AKAP6: variants seen among roughly 807,000 people sequenced by gnomAD.
The protein encoded by AKAP6 is A-kinase anchoring protein 6, also known as A-kinase anchor protein 6.
Under a neutral mutation model 188.5 loss-of-function variants are expected in AKAP6, and 58 were observed. The ratio of observed to expected loss-of-function variants is 0.31; its 90% CI spans 0.25 to 0.38. The LOEUF is 0.38. Ranked by LOEUF, AKAP6 falls within the 10% of genes least tolerant of loss-of-function variation. The pLI is 1.00. For missense variants in AKAP6, 2,710 were observed against 2,740.0 expected (o/e 0.99, Z 0.24); for synonymous variants, 989 against 998.6 (o/e 0.99, Z 0.18).
At chr14:32,784,017 T>C (rs1347856282) in intron 12 of AKAP6, among the ~76,000 whole-genome samples, 2 of 152,174 alleles carry the variant, frequency 1.3e-5, no homozygotes, top group East Asian at 3.8e-4. Context: ...TTTGGAAAAT[T>C]ATGGATCAAA....
chr14:32,712,250 T>A (rs1004187094), intron 9 of AKAP6, among the ~76,000 whole-genome samples: 5 of 151,988 alleles, frequency 3.3e-5, no homozygotes, highest in African/African-American at 7.3e-5. Flanking sequence ...GTACTTAATT[T>A]AAAAAAATTT....
chr14:32,447,595 G>C (rs1233022654), intron 2 of AKAP6, among the ~76,000 whole-genome samples: 1 of 152,168 alleles, frequency 6.6e-6, no homozygotes, highest in African/African-American at 2.4e-5. Context: ...CCTTAATTAA[G>C]TTTCTTCAAA....
chr14:32,461,241 C>T (rs544820268), intron 2 of AKAP6, among the ~76,000 whole-genome samples: 1 of 152,340 alleles, frequency 6.6e-6, no homozygotes, highest in South Asian at 2.1e-4. Context: ...GGACAGACTG[C>T]CTCCTCATGT....
intron 4 of AKAP6, among the ~76,000 whole-genome samples, chr14:32,547,273 T>C (rs1883243023): frequency 1.3e-5 from 2 of 152,228 alleles, no homozygotes; most frequent in Non-Finnish European, 2.9e-5. Context: ...TGACTACTGA[T>C]GAATGCTGGA....
Position 32,831,518 on chromosome 14 carries a change from T to C in AKAP6, c.*1713T>C, listed in dbSNP as rs2034819158. On this transcript the variant is annotated 3_prime_UTR_variant, in exon 14 of 14. Coordinates refer to ENST00000280979, the MANE Select transcript of AKAP6 (RefSeq NM_004274.5). ...CATGCAGTCACAGGAATGACAATCATTCAACAGATAGTTCAGAAACACTTT... is the reference window on the plus strand; with the variant it reads ...CATGCAGTCACAGGAATGACAATCACTCAACAGATAGTTCAGAAACACTTT... 1 of 152,212 alleles carries C rather than the reference T, an allele frequency of 6.6e-6. No homozygotes were observed. Among genetic ancestry groups the C allele is most frequent in the African/African-American group, 2.4e-5 (1 of 41,460 alleles). 9.4% of individuals were successfully genotyped at this position (152,212 alleles called of 1,614,324 possible). A position where few individuals can be genotyped will look rare whatever the true frequency, so the allele number is the denominator to read the frequency against.
rs1463447587 is a variant in AKAP6 at position 32,540,160 on chromosome 14, CTCTCTCTCTATA to C, written c.576+4357_576+4368del. Among the ~76,000 whole-genome samples, 22 of 110,610 alleles carry C rather than the reference CTCTCTCTCTATA, an allele frequency of 2.0e-4. No individual in the cohort carries two copies. In the East Asian group the frequency reaches 3.3e-3, roughly 17 times the overall value. The allele number at this position is 110,610 out of a possible 152,430, so 72.6% of individuals were successfully genotyped here. A position where few individuals can be genotyped will look rare whatever the true frequency, so the allele number is the denominator to read the frequency against. On this transcript the variant is annotated intron_variant, in intron 3 of 13. Coordinates refer to ENST00000280979, the MANE Select transcript of AKAP6 (RefSeq NM_004274.5). ...TCTCTCTCTCTCTCTCTCTCTCTCT[CTCTCTCTCTATA>C]TATATATATATATATATATATTTTA...
intron 7 of AKAP6, among the ~76,000 whole-genome samples, chr14:32,636,026 A>T (rs1887471315): frequency 1.3e-5 from 2 of 152,112 alleles, no homozygotes; most frequent in African/African-American, 4.8e-5. Context: ...TCCCAGTTGT[A>T]TATAGACTAG....
intron 8 of AKAP6, among the ~76,000 whole-genome samples, chr14:32,680,645 A>G (rs980369993): frequency 6.6e-6 from 1 of 152,314 alleles, no homozygotes; most frequent in African/African-American, 2.4e-5. Flanking sequence ...TAAAAAGATT[A>G]TATGTACTAA....
At chr14:32,780,157 C>CATATATATATATAT (rs59506546) in intron 12 of AKAP6, among the ~76,000 whole-genome samples, 18 of 119,392 alleles carry the variant, frequency 1.5e-4, no homozygotes, top group African/African-American at 4.8e-4. Context: ...AAAAAAAAAA[C>CATATATATATATAT]ATATATATAT....
chr14:32,754,335 G>C (rs994866700), intron 11 of AKAP6, among the ~76,000 whole-genome samples: 2 of 152,078 alleles, frequency 1.3e-5, no homozygotes, highest in Non-Finnish European at 2.9e-5. Context: ...TTTGCATGGA[G>C]TATGCAACTG....
chr14:32,581,958 T>A (rs1444531840), intron 5 of AKAP6, among the ~76,000 whole-genome samples: 1 of 152,164 alleles, frequency 6.6e-6, no homozygotes, highest in African/African-American at 2.4e-5. Flanking sequence ...AATTTGCCAG[T>A]CTGTGTCTTT....
At chr14:32,500,835 C>T (rs1457499136) in intron 2 of AKAP6, among the ~76,000 whole-genome samples, 3 of 152,134 alleles carry the variant, frequency 2.0e-5, no homozygotes, top group Non-Finnish European at 4.4e-5. Flanking sequence ...GATACCTTCC[C>T]CCATTCCCTT....
chr14:32,730,562 G>C (rs3784210), intron 9 of AKAP6, among the ~76,000 whole-genome samples: 2 of 152,020 alleles, frequency 1.3e-5, no homozygotes, highest in Non-Finnish European at 2.9e-5. Flanking sequence ...GGGGTGAAGA[G>C]GGGGGGATGA....
At chr14:32,481,546 CAT>C (rs1366229767) in intron 2 of AKAP6, among the ~76,000 whole-genome samples, 2 of 152,112 alleles carry the variant, frequency 1.3e-5, no homozygotes, top group Non-Finnish European at 2.9e-5. Context: ...GGCAGGAAAA[CAT>C]GTGCAGGGGA....
intron 1 of AKAP6, among the ~76,000 whole-genome samples, chr14:32,413,200 T>A (rs1889547689): frequency 7.7e-6 from 1 of 130,162 alleles, no homozygotes; most frequent in Admixed American, 7.6e-5. Context: ...TTTTTTTTTT[T>A]AGATGGGGTC....
At chr14:32,569,688 T>G (rs1032343041) in intron 4 of AKAP6, among the ~76,000 whole-genome samples, 20 of 152,242 alleles carry the variant, frequency 1.3e-4, no homozygotes, top group South Asian at 4.1e-4. Flanking sequence ...TTGGTAAATA[T>G]GTATGTAAAA....
chr14:32,665,169 C>G (rs1032722783), intron 7 of AKAP6, among the ~76,000 whole-genome samples: 1 of 152,052 alleles, frequency 6.6e-6, no homozygotes, highest in African/African-American at 2.4e-5. Context: ...TGAGAGGCCT[C>G]TAATTCAGTT....
In AKAP6 at chr14:32,835,197, GAC is replaced by G. The variant is rs2034862793; in HGVS notation, c.*5396_*5397del. 1 of 151,916 alleles carries G rather than the reference GAC, an allele frequency of 6.6e-6. No homozygotes were observed. Among genetic ancestry groups the G allele is most frequent in the South Asian group, 2.1e-4 (1 of 4,824 alleles). The allele number at this position is 151,916 out of a possible 1,614,324, so 9.4% of individuals were successfully genotyped here. A position where few individuals can be genotyped will look rare whatever the true frequency, so the allele number is the denominator to read the frequency against. On this transcript the variant is annotated 3_prime_UTR_variant, in exon 14 of 14. Coordinates refer to ENST00000280979, the MANE Select transcript of AKAP6 (RefSeq NM_004274.5). ...CCTGGTCTATGATATTCTAAATTCC[GAC>G]ACATTTTCTTAGGATAGATTTCCAT...
intron 1 of AKAP6, among the ~76,000 whole-genome samples, chr14:32,394,068 A>T (rs138912039): frequency 6.6e-6 from 1 of 152,182 alleles, no homozygotes; most frequent in African/African-American, 2.4e-5. Context: ...ATGATTACAC[A>T]TAATATAGTG....
Sources: gnomAD v4.1 joint callset for allele counts (sites outside exome capture counted in the v4.1 genomes callset) on GRCh38, gnomAD v4.1.1 for gene constraint, MANE v1.5 for transcripts, NCBI Gene and HGNC (gene_info 2026-07-23, HGNC 2026-07-21) for gene names.